Variants in TPD52 observed in about 807,000 individuals in gnomAD.
TPD52 encodes the protein prostate and colon associated protein.
In TPD52, 17 loss-of-function variants were observed where a neutral mutation model predicts 31.3. The observed-to-expected ratio is 0.54, with a 90% CI of 0.37 to 0.82. The LOEUF is 0.82. Ranked by LOEUF, TPD52 falls within the 40% of genes least tolerant of loss-of-function variation. The pLI is 0.00. For synonymous variants in TPD52, 83 were observed against 89.6 expected (o/e 0.93, Z 0.42); for missense variants, 212 against 240.1 (o/e 0.88, Z 0.77).
rs967330645 is a variant in TPD52 at position 80,099,579 on chromosome 8, C to T, written c.20-34986G>A. Among the ~76,000 whole-genome samples, 7 of 147,272 alleles carry T rather than the reference C, an allele frequency of 4.8e-5. No individual in the cohort carries two copies. The East Asian group carries it at 1.0e-3, about 21-fold the overall frequency. On this transcript the variant is annotated intron_variant, in intron 1 of 7. Coordinates refer to ENST00000518937, the MANE Select transcript of TPD52 (RefSeq NM_001025253.3). Reference sequence around the variant, plus strand: ...AGGCTGAAGTGCAGTGGTGTGATCTCGGCTCACTGCAACCTCCGCCTCCCA... The same window carrying T: ...AGGCTGAAGTGCAGTGGTGTGATCTTGGCTCACTGCAACCTCCGCCTCCCA...
chr8:80,132,049 GACAGGGTCTC>G (rs1223455621), intron 1 of TPD52, among the ~76,000 whole-genome samples: 12 of 148,516 alleles, frequency 8.1e-5, no homozygotes, highest in African/African-American at 3.0e-4. Context: ...TTTTTTTGGA[GACAGGGTCTC>G]ACTCTTATCG....
chr8:80,132,452 T>A (rs908119784), intron 1 of TPD52, among the ~76,000 whole-genome samples: 1 of 152,104 alleles, frequency 6.6e-6, no homozygotes, highest in Non-Finnish European at 1.5e-5. Context: ...AAGTGATCCA[T>A]CCACCTCAGG....
At position 80,154,737 on chromosome 8, in the gene TPD52, ACACACACACAC is replaced by A. The variant is rs1182146709; in HGVS notation, c.19+16677_19+16687del. 1.4e-3 allele frequency among the ~76,000 whole-genome samples: 197 copies of A among 141,080 alleles called. 2 individuals carry two copies. Among genetic ancestry groups the A allele is most frequent in the East Asian group, 4.6e-3 (23 of 5,038 alleles). The allele number at this position is 141,080 out of a possible 152,430, so 92.6% of individuals were successfully genotyped here. ...CACACACACACACACACACACACAC[ACACACACACAC>A]ACACAAAACACCTACATTAGCTTTG... On this transcript the variant is annotated intron_variant, in intron 1 of 7. Coordinates refer to ENST00000518937, the MANE Select transcript of TPD52 (RefSeq NM_001025253.3).
intron 1 of TPD52, among the ~76,000 whole-genome samples, chr8:80,129,976 G>T (rs1808909156): frequency 6.6e-6 from 1 of 152,162 alleles, no homozygotes; most frequent in African/African-American, 2.4e-5. Flanking sequence ...GGGATTACAG[G>T]CGTAAGCCGT....
intron 1 of TPD52, among the ~76,000 whole-genome samples, chr8:80,154,997 T>G (rs1247120034): frequency 3.4e-5 from 4 of 119,164 alleles, no homozygotes; most frequent in Non-Finnish European, 7.0e-5. Flanking sequence ...GTTTTTGGTT[T>G]TTTGTTTTTT....
intron 2 of TPD52, among the ~76,000 whole-genome samples, chr8:80,057,076 G>A (rs1811974294): frequency 6.6e-6 from 1 of 152,154 alleles, no homozygotes; most frequent in African/African-American, 2.4e-5. Flanking sequence ...GCTGAGGCAG[G>A]AGAATCACTT....
At chr8:80,128,679 T>G (rs543061392) in intron 1 of TPD52, among the ~76,000 whole-genome samples, 2 of 151,122 alleles carry the variant, frequency 1.3e-5, no homozygotes, top group Non-Finnish European at 2.9e-5. Context: ...TAAAATAAAA[T>G]AAAATAAATT....
chr8:80,125,612 T>C (rs906565015), intron 1 of TPD52, among the ~76,000 whole-genome samples: 2 of 152,112 alleles, frequency 1.3e-5, no homozygotes, highest in African/African-American at 4.8e-5. Context: ...AAGATGCCAC[T>C]GACTACAGGA....
intron 1 of TPD52, among the ~76,000 whole-genome samples, chr8:80,151,299 G>C (rs1359842194): frequency 6.6e-6 from 1 of 152,150 alleles, no homozygotes; most frequent in African/African-American, 2.4e-5. Flanking sequence ...CCCTGTCTCA[G>C]GCATGTCTTT....
At chr8:80,039,582 G>A (rs2130353986) in intron 7 of TPD52, among the ~76,000 whole-genome samples, 1 of 152,248 alleles carries the variant, frequency 6.6e-6, no homozygotes, top group Admixed American at 6.5e-5. Context: ...GTGCAGGGCA[G>A]CCACTGATCT....
chr8:80,162,547 CA>C (rs1811429027), intron 1 of TPD52, among the ~76,000 whole-genome samples: 1 of 151,252 alleles, frequency 6.6e-6, no homozygotes, highest in Admixed American at 6.6e-5. Context: ...TCCTTGAGCC[CA>C]GGAGTTCAAG....
chr8:80,039,601 T>G (rs143478448), intron 7 of TPD52, among the ~76,000 whole-genome samples: 12 of 152,264 alleles, frequency 7.9e-5, no homozygotes, highest in Non-Finnish European at 1.8e-4. Flanking sequence ...CTCTCTAACA[T>G]TTACAGAAGA....
At chr8:80,063,737 C>A (rs991101070) in intron 2 of TPD52, among the ~76,000 whole-genome samples, 5 of 151,758 alleles carry the variant, frequency 3.3e-5, no homozygotes, top group African/African-American at 9.7e-5. Context: ...CCAGAGGTTG[C>A]AATGAGCCAA....
chr8:80,052,467 T>C (rs1186724630), intron 3 of TPD52: 9 of 343,912 alleles, frequency 2.6e-5, no homozygotes, highest in Admixed American at 4.7e-5. Context: ...GTTGAAAAAA[T>C]AGTTTCCTGT....
chr8:80,107,188 C>G (rs1487812682), intron 1 of TPD52, among the ~76,000 whole-genome samples: 1 of 152,136 alleles, frequency 6.6e-6, no homozygotes, highest in African/African-American at 2.4e-5. Flanking sequence ...AAAGTGTTTC[C>G]CACCTGCACT....
intron 1 of TPD52, among the ~76,000 whole-genome samples, chr8:80,126,105 G>A (rs943681335): frequency 6.6e-6 from 1 of 152,144 alleles, no homozygotes; most frequent in Non-Finnish European, 1.5e-5. Flanking sequence ...AAATTCACCT[G>A]CATATTTGAT....
intron 2 of TPD52, among the ~76,000 whole-genome samples, chr8:80,063,041 T>A (rs1812712875): frequency 6.6e-6 from 1 of 152,120 alleles, no homozygotes; most frequent in South Asian, 2.1e-4. Flanking sequence ...CAATTCCATA[T>A]CTAGGCATAT....
intron 1 of TPD52, among the ~76,000 whole-genome samples, chr8:80,072,744 C>CACATATAT (rs1406754859): frequency 2.7e-5 from 4 of 150,650 alleles, no homozygotes; most frequent in African/African-American, 5.0e-5. Context: ...TATATACACA[C>CACATATAT]ACATATATAC....
chr8:80,110,938 A>G (rs1341473450), intron 1 of TPD52, among the ~76,000 whole-genome samples: 4 of 152,068 alleles, frequency 2.6e-5, no homozygotes, highest in African/African-American at 9.7e-5. Flanking sequence ...GGGTGTGGGG[A>G]CTCACGCCTG....
Sources: allele counts gnomAD v4.1 joint callset (sites outside exome capture counted in the v4.1 genomes callset), GRCh38; gene constraint gnomAD v4.1.1; transcripts MANE v1.5; gene names NCBI Gene and HGNC (gene_info 2026-07-23, HGNC 2026-07-21).